The following SNHG17 variants were observed in gnomAD, a reference collection of about 807,000 sequenced individuals.
SNHG17 encodes small nucleolar RNA host gene 17.
chr20:38,429,065 T>A (rs1181281746), intron 3 of SNHG17: 2 of 152,464 alleles, frequency 1.3e-5, no homozygotes, highest in African/African-American at 4.8e-5. Flanking sequence ...GGAGGGACTC[T>A]CCCTTTCTCG....
At chr20:38,434,269 C>CTCTCT (rs1442346316) in intron 2 of SNHG17, among the ~76,000 whole-genome samples, 3 of 152,242 alleles carry the variant, frequency 2.0e-5, no homozygotes, top group Admixed American at 2.0e-4. Flanking sequence ...GGCCTCTGCC[C>CTCTCT]TCAGAGAGCC....
Position 38,430,312 on chromosome 20 carries a change from G to A in SNHG17, n.380+729C>T, listed in dbSNP as rs757556077. ...CTCCAGCCTGGGCAACAGAGACTCC[G>A]TCTCAAAAGAAAATAAAAATAAAAA... On this transcript the variant is annotated intron_variant and non_coding_transcript_variant, in intron 3 of 8. Coordinates refer to ENST00000654008, the Ensembl canonical transcript of SNHG17. Among the ~76,000 whole-genome samples, 131 of 148,430 alleles carry A rather than the reference G, an allele frequency of 8.8e-4. 2 individuals are homozygous for A. The highest frequency in any genetic ancestry group is 4.5e-3 in the Admixed American group (67 of 14,778).
chr20:38,423,476 C>A (rs1194778332), intron 5 of SNHG17, among the ~76,000 whole-genome samples: 3 of 141,780 alleles, frequency 2.1e-5, no homozygotes, highest in Non-Finnish European at 4.6e-5. Context: ...ATGGATGGAC[C>A]TGGAGGATAT....
chr20:38,426,834 G>T (rs2084255880), intron 3 of SNHG17, among the ~76,000 whole-genome samples: 1 of 150,714 alleles, frequency 6.6e-6, no homozygotes, highest in Admixed American at 6.6e-5. Context: ...TCTTGGGTGG[G>T]AAGTGAGGGA....
chr20:38,429,912 T>G, intron 3 of SNHG17: 1 of 440,852 alleles, frequency 2.3e-6, no homozygotes, highest in Non-Finnish European at 4.3e-6. Flanking sequence ...ACTTACAGCC[T>G]AAGATTACAG....
chr20:38,429,721 G>A (rs765917995), intron 3 of SNHG17: 19 of 511,654 alleles, frequency 3.7e-5, no homozygotes, highest in South Asian at 1.6e-4. Flanking sequence ...CTCCAAACAC[G>A]GGGAAGTGCT....
intron 2 of SNHG17, among the ~76,000 whole-genome samples, chr20:38,432,941 C>T (rs925212829): frequency 2.0e-5 from 3 of 152,060 alleles, no homozygotes; most frequent in Non-Finnish European, 2.9e-5. Flanking sequence ...TGAGCCACCA[C>T]GACCAGCCAC....
intron 6 of SNHG17, chr20:38,421,596 T>C (rs2084157333): frequency 6.6e-6 from 1 of 152,162 alleles, no homozygotes; most frequent in African/African-American, 2.4e-5. Context: ...CCACATCACA[T>C]GGGCCCACAA....
Position 38,426,738 on chromosome 20 carries a change from C to T in SNHG17, n.381-235G>A, listed in dbSNP as rs3752283. Among the ~76,000 whole-genome samples the T allele has an allele frequency of 3.3e-5, 5 of 150,670 alleles. 1 individual carries two copies. The highest frequency in any genetic ancestry group is 7.4e-5 in the Non-Finnish European group (5 of 67,634). ...CTCAGGGGAGCCCCAAAGGCCAGCA[C>T]AAAAGGCAGAGGAATTAAGAGCTGG... is the stretch of plus-strand genomic sequence containing the variant. On this transcript the variant is annotated intron_variant and non_coding_transcript_variant, in intron 3 of 8. Coordinates refer to ENST00000654008, the Ensembl canonical transcript of SNHG17.
At chr20:38,434,230 G>A (rs753261220) in intron 2 of SNHG17, among the ~76,000 whole-genome samples, 4 of 152,230 alleles carry the variant, frequency 2.6e-5, no homozygotes, top group Non-Finnish European at 5.9e-5. Context: ...GACAGGCACC[G>A]TGGGTTCAAA....
At chr20:38,424,947 TGTGGA>T in intron 5 of SNHG17, 1 of 253,752 alleles carries the variant, frequency 3.9e-6, no homozygotes, top group Non-Finnish European at 8.1e-6. Flanking sequence ...AGGGTTGCCA[TGTGGA>T]GGTTACTGGG....
chr20:38,433,576 G>A (rs1022170165), intron 2 of SNHG17, among the ~76,000 whole-genome samples: 1 of 152,166 alleles, frequency 6.6e-6, no homozygotes, highest in Non-Finnish European at 1.5e-5. Context: ...CTGGACAACA[G>A]AGTGAGATCC....
rs761875083 is a variant in SNHG17, at chr20:38,427,273, G to C, written n.381-770C>G. ...TTCATGTGGCAGCCAAGCAAGCGCC[G>C]GACTCCTCAAGGGCTGGCAGGAGAG... On this transcript the variant is annotated intron_variant and non_coding_transcript_variant, in intron 3 of 8. Coordinates refer to ENST00000654008, the Ensembl canonical transcript of SNHG17. The C allele has an allele frequency of 1.7e-5, 8 of 462,030 alleles. No individual in the cohort carries two copies. In the East Asian group the frequency reaches 4.7e-4, roughly 27 times the overall value. 28.6% of individuals were successfully genotyped at this position (462,030 alleles called of 1,614,324 possible). A position where few individuals can be genotyped will look rare whatever the true frequency, so the allele number is the denominator to read the frequency against.
At chr20:38,435,033 G>C in intron 1 of SNHG17, 1 of 1,231,164 alleles carries the variant, frequency 8.1e-7, no homozygotes, top group Non-Finnish European at 1.0e-6. Context: ...TCACCTGCCA[G>C]TGTCTTTCCC....
chr20:38,434,963 G>A (rs2084407200), intron 1 of SNHG17: 6 of 1,228,788 alleles, frequency 4.9e-6, no homozygotes, highest in Non-Finnish European at 6.1e-6. Flanking sequence ...TAGCTGCGCG[G>A]ACAGGGGGTC....
rs2084270896 is a variant in SNHG17 at position 38,427,514 on chromosome 20, G to C, written n.381-1011C>G. ...GGCCTGTGGGATGACCCAAGTCAGGGACAGTACAAGACTCCTGCAGCTGCC... is the reference window on the plus strand; with the variant it reads ...GGCCTGTGGGATGACCCAAGTCAGGCACAGTACAAGACTCCTGCAGCTGCC... On this transcript the variant is annotated intron_variant and non_coding_transcript_variant, in intron 3 of 8. Coordinates refer to ENST00000654008, the Ensembl canonical transcript of SNHG17. 3 of 397,034 alleles carry C rather than the reference G, an allele frequency of 7.6e-6. No homozygotes were observed. In the Admixed American group the frequency reaches 8.1e-5, roughly 11 times the overall value. 24.6% of individuals were successfully genotyped at this position (397,034 alleles called of 1,614,324 possible).
chr20:38,427,225 C>A (rs1249530821), intron 3 of SNHG17: 1 of 375,314 alleles, frequency 2.7e-6, no homozygotes. Context: ...AAGACTTAAG[C>A]ATGATGCCCC....
intron 6 of SNHG17, chr20:38,421,947 G>A (rs1474030912): frequency 6.6e-6 from 1 of 152,260 alleles, no homozygotes; most frequent in African/African-American, 2.4e-5. Context: ...ACGCTTTTGG[G>A]TTGGAAAAGG....
At chr20:38,427,239 G>A (rs954338175) in intron 3 of SNHG17, 12 of 413,680 alleles carry the variant, frequency 2.9e-5, no homozygotes, top group African/African-American at 6.2e-5. Context: ...ATGCCCCCCC[G>A]CACTGACTTT....
Sources: gnomAD v4.1 joint callset for allele counts (sites outside exome capture counted in the v4.1 genomes callset) on GRCh38, gnomAD v4.1.1 for gene constraint, MANE v1.5 for transcripts, NCBI Gene and HGNC (gene_info 2026-07-23, HGNC 2026-07-21) for gene names.